The following MCC variants were observed in gnomAD, a reference collection of about 807,000 sequenced individuals.
MCC encodes the protein colorectal mutant cancer protein.
Under a neutral mutation model 116.2 loss-of-function variants are expected in MCC, and 90 were observed. The ratio of observed to expected loss-of-function variants is 0.77; its 90% CI spans 0.65 to 0.92. The LOEUF is 0.92. Among genes scored for constraint, MCC ranks in the 40% least tolerant of loss-of-function variants. The probability of loss-of-function intolerance (pLI) is 0.00; values close to 1 mark genes in which losing one functional copy is unlikely to be tolerated. For missense variants in MCC, 1,516 were observed against 1,312.2 expected (o/e 1.16, Z -2.40); for synonymous variants, 578 against 510.5 (o/e 1.13, Z -1.78).
intron 3 of MCC, among the ~76,000 whole-genome samples, chr5:113,276,194 A>T (rs895071744): frequency 1.3e-5 from 2 of 151,732 alleles, no homozygotes; most frequent in African/African-American, 2.4e-5. Context: ...CCCTCCAGAC[A>T]CCCTGGCAGC....
At chr5:113,386,995 C>T (rs1187886841) in intron 1 of MCC, among the ~76,000 whole-genome samples, 2 of 151,982 alleles carry the variant, frequency 1.3e-5, no homozygotes, top group Non-Finnish European at 2.9e-5. Flanking sequence ...GTGTCCTTTC[C>T]CATCCCTTAA....
chr5:113,432,032 A>G (rs1770667370), intron 1 of MCC, among the ~76,000 whole-genome samples: 1 of 152,204 alleles, frequency 6.6e-6, no homozygotes, highest in Non-Finnish European at 1.5e-5. Context: ...GCTACTTGGG[A>G]GGCTGAGGCA....
At position 113,080,414 on chromosome 5, in the gene MCC, C is replaced by T. The variant is rs190059414; in HGVS notation, c.1784+2446G>A. 2.3e-3 allele frequency among the ~76,000 whole-genome samples: 349 copies of T among 152,292 alleles called. 2 individuals are homozygous for T. The highest frequency in any genetic ancestry group is 8.0e-3 in the African/African-American group (333 of 41,554). ...ACTTGGAACCAACCCAAATGTCCATCAATGATAGACTGCATTAAGAAAATG... is the reference window on the plus strand; with the variant it reads ...ACTTGGAACCAACCCAAATGTCCATTAATGATAGACTGCATTAAGAAAATG... On this transcript the variant is annotated intron_variant, in intron 11 of 18. Transcript: ENST00000408903.
intron 2 of MCC, among the ~76,000 whole-genome samples, chr5:113,367,633 G>GA (rs552677334): frequency 3.7e-5 from 4 of 107,486 alleles, no homozygotes; most frequent in African/African-American, 1.4e-4. Flanking sequence ...AGAGGGTGGG[G>GA]GGGGGGAAGA....
chr5:113,132,370 G>GTA (rs564083445), intron 5 of MCC, among the ~76,000 whole-genome samples: 5,059 of 125,820 alleles, frequency 0.04, 303 homozygotes, highest in African/African-American at 0.13. Context: ...GTGTGTGTGT[G>GTA]TGTATATATA....
chr5:113,122,885 A>G, intron 5 of MCC, 59 bp from the exon 6 acceptor site: 1 of 1,547,848 alleles, frequency 6.5e-7, no homozygotes, highest in Non-Finnish European at 8.9e-7. Context: ...CCCCCTAGAG[A>G]ATATGTCTTT....
chr5:113,208,763 TAG>T (rs1449373324), intron 3 of MCC, among the ~76,000 whole-genome samples: 2 of 152,196 alleles, frequency 1.3e-5, no homozygotes, highest in African/African-American at 2.4e-5. Context: ...TTAAATGCTT[TAG>T]AGAGACACTC....
chr5:113,436,243 G>C (rs1770861711), intron 1 of MCC: 1 of 152,478 alleles, frequency 6.6e-6, no homozygotes, highest in Non-Finnish European at 1.5e-5. Flanking sequence ...CTTTGTGCGT[G>C]GTTGGTGCTC....
chr5:113,177,099 C>T (rs753545693), intron 3 of MCC, among the ~76,000 whole-genome samples: 6 of 152,202 alleles, frequency 3.9e-5, no homozygotes, highest in Admixed American at 2.0e-4. Context: ...CCTGCTCCCA[C>T]CCCCACACCA....
At chr5:113,180,353 C>A (rs1561433048) in intron 3 of MCC, among the ~76,000 whole-genome samples, 1 of 152,054 alleles carries the variant, frequency 6.6e-6, no homozygotes, top group Non-Finnish European at 1.5e-5. Flanking sequence ...TGAAGAAAAA[C>A]AAATATGGCA....
At position 113,138,705 on chromosome 5, in the gene MCC, A is replaced by G. The variant is rs62374713; in HGVS notation, c.884+4513T>C. Among the ~76,000 whole-genome samples, 289 of 152,300 alleles carry G rather than the reference A, an allele frequency of 1.9e-3. 1 individual carries two copies. The highest frequency in any genetic ancestry group is 3.7e-3 in the Non-Finnish European group (255 of 68,032). On this transcript the variant is annotated intron_variant, in intron 5 of 18. Coordinates refer to ENST00000408903, the MANE Select transcript of MCC (RefSeq NM_001085377.2). ...GTCCCTGCTCTGACTTGTGAACCAC[A>G]AATATTTTGAAGCTCCATGGGTTAT...
chr5:113,105,586 G>C (rs576265430), intron 6 of MCC, among the ~76,000 whole-genome samples: 1 of 152,242 alleles, frequency 6.6e-6, no homozygotes, highest in Non-Finnish European at 1.5e-5. Context: ...TGAGCTCTGA[G>C]GCAACCTTCT....
intron 1 of MCC, among the ~76,000 whole-genome samples, chr5:113,397,624 G>A (rs1769560114): frequency 6.6e-6 from 1 of 152,114 alleles, no homozygotes; most frequent in Non-Finnish European, 1.5e-5. Context: ...GCTGAGATAA[G>A]TGGCTAGCTA....
intron 17 of MCC, among the ~76,000 whole-genome samples, chr5:113,038,402 G>A (rs1751463022): frequency 6.6e-6 from 1 of 152,138 alleles, no homozygotes; most frequent in Non-Finnish European, 1.5e-5. Flanking sequence ...GGGACTGAGG[G>A]TTAAGGAGGG....
At chr5:113,251,815 G>A (rs1210678491) in intron 3 of MCC, among the ~76,000 whole-genome samples, 1 of 152,192 alleles carries the variant, frequency 6.6e-6, no homozygotes, top group Middle Eastern at 3.2e-3. Context: ...TCCTCTATAG[G>A]AAGTGGGAAT....
At chr5:113,057,709 C>T (rs1752929029) in intron 14 of MCC, among the ~76,000 whole-genome samples, 1 of 152,234 alleles carries the variant, frequency 6.6e-6, no homozygotes, top group Non-Finnish European at 1.5e-5. Flanking sequence ...ACCTGCTCAG[C>T]GGCAGGCATG....
chr5:113,193,978 A>T lies in MCC; in HGVS notation c.628-42556T>A, dbSNP rs1762265470. Among the ~76,000 whole-genome samples, 3 of 152,112 alleles carry T rather than the reference A, an allele frequency of 2.0e-5. No individual in the cohort carries two copies. The South Asian group carries it at 6.2e-4, about 32-fold the overall frequency. ...TTTTTGTCCAGTACCACACCTGGGGATCATCTACCTGCCAGTTCTACCTCA... is the reference window on the plus strand; with the variant it reads ...TTTTTGTCCAGTACCACACCTGGGGTTCATCTACCTGCCAGTTCTACCTCA... On this transcript the variant is annotated intron_variant, in intron 3 of 18. Coordinates refer to ENST00000408903, the MANE Select transcript of MCC (RefSeq NM_001085377.2).
At chr5:113,088,956 T>C (rs189425367) in intron 8 of MCC, among the ~76,000 whole-genome samples, 3 of 152,254 alleles carry the variant, frequency 2.0e-5, no homozygotes, top group Non-Finnish European at 2.9e-5. Flanking sequence ...GCTATTTTTA[T>C]TGAAGGAATT....
At chr5:113,476,027 T>C (rs1002991367) in intron 1 of MCC, among the ~76,000 whole-genome samples, 4 of 152,176 alleles carry the variant, frequency 2.6e-5, no homozygotes, top group African/African-American at 9.7e-5. Context: ...CACTGATATG[T>C]TGACTCAAAA....
Sources: gnomAD v4.1 joint callset for allele counts (sites outside exome capture counted in the v4.1 genomes callset) on GRCh38, gnomAD v4.1.1 for gene constraint, MANE v1.5 for transcripts, NCBI Gene and HGNC (gene_info 2026-07-23, HGNC 2026-07-21) for gene names.